Variants in SND1 observed in about 807,000 individuals in gnomAD.
The protein encoded by SND1 is staphylococcal nuclease domain-containing protein 1.
A neutral mutation model predicts 121.7 loss-of-function variants in SND1; 38 were observed. The ratio of observed to expected loss-of-function variants is 0.31; its 90% CI spans 0.24 to 0.41. The LOEUF (loss-of-function observed/expected upper bound fraction) is 0.41. SND1 is among the 10% of genes least tolerant of loss of function. The pLI, the probability that SND1 is intolerant of heterozygous loss-of-function variation, is 1.00. For missense variants in SND1, 868 were observed against 1,184.6 expected (o/e 0.73, Z 3.92); for synonymous variants, 401 against 447.4 (o/e 0.90, Z 1.31).
intron 15 of SND1, among the ~76,000 whole-genome samples, chr7:127,986,473 T>C (rs1802393052): frequency 6.6e-6 from 1 of 152,240 alleles, no homozygotes; most frequent in Non-Finnish European, 1.5e-5. Flanking sequence ...ATAAGTTTAA[T>C]ATTCTATCAG....
At chr7:127,671,108 G>A (rs745962054) in intron 1 of SND1, among the ~76,000 whole-genome samples, 17 of 152,150 alleles carry the variant, frequency 1.1e-4, no homozygotes, top group Non-Finnish European at 2.1e-4. Context: ...GGAGGACTGG[G>A]CTAGGGAGAG....
At chr7:127,867,262 T>C (rs1266665196) in intron 12 of SND1, among the ~76,000 whole-genome samples, 3 of 152,224 alleles carry the variant, frequency 2.0e-5, no homozygotes, top group African/African-American at 7.2e-5. Flanking sequence ...TTAATACTTA[T>C]CTTTTAAAAT....
intron 21 of SND1, among the ~76,000 whole-genome samples, chr7:128,088,972 G>T (rs532578600): frequency 6.6e-6 from 1 of 152,242 alleles, no homozygotes; most frequent in East Asian, 1.9e-4. Flanking sequence ...TCTGGCTGAG[G>T]GCAAGGAAAA....
rs1796094484 is a variant in SND1, at chr7:127,701,245, C to T, written c.511C>T (p.His171Tyr). The change falls in exon 5 of 24, where the codon CAT becomes TAT. Residue 171 changes from histidine (H) to tyrosine (Y), a missense_variant. His to Tyr is a moderately conservative substitution (Grantham distance 83). Around this residue, in one of 2 missense-constraint regions of SND1, gnomAD observed 743 missense variants for 1,071.3 expected, o/e 0.69. Coordinates refer to ENST00000354725, the MANE Select transcript of SND1 (RefSeq NM_014390.4). ...KGMWSEGNGS[H>Y]TIRDLKYTIE... ...GATGTGGAGTGAGGGGAACGGTTCA[C>T]ATACTATCCGGGATCTCAAGTATAC... 3.1e-6 allele frequency: 5 copies of T among 1,613,934 alleles called. No individual in the cohort carries two copies. The highest frequency in any genetic ancestry group is 1.3e-5 in the African/African-American group (1 of 74,894).
chr7:127,782,812 A>G (rs1230681698), intron 10 of SND1, among the ~76,000 whole-genome samples: 2 of 152,122 alleles, frequency 1.3e-5, no homozygotes, highest in Admixed American at 1.3e-4. Flanking sequence ...CTGCTTCACC[A>G]CTGACCTTTT....
At chr7:127,852,648 A>G (rs1298482125) in intron 12 of SND1, among the ~76,000 whole-genome samples, 1 of 151,990 alleles carries the variant, frequency 6.6e-6, no homozygotes, top group Non-Finnish European at 1.5e-5. Context: ...GATCTCTACT[A>G]AAAAATACAA....
intron 10 of SND1, among the ~76,000 whole-genome samples, chr7:127,750,287 G>A (rs1382106100): frequency 6.6e-6 from 1 of 152,190 alleles, no homozygotes; most frequent in Non-Finnish European, 1.5e-5. Flanking sequence ...TGGAGGATCT[G>A]TAGGTCTTCC....
intron 14 of SND1, among the ~76,000 whole-genome samples, chr7:127,918,796 C>T (rs918121236): frequency 2.0e-5 from 3 of 152,170 alleles, no homozygotes; most frequent in African/African-American, 7.2e-5. Context: ...ATTATTTTCT[C>T]AGAACATGTC....
At chr7:127,985,007 C>T (rs1802352695) in intron 15 of SND1, among the ~76,000 whole-genome samples, 1 of 152,240 alleles carries the variant, frequency 6.6e-6, no homozygotes, top group East Asian at 1.9e-4. Context: ...GTTCACCTGG[C>T]ATCTGCCATT....
At chr7:127,704,726 A>G in intron 7 of SND1, 113 bp from the exon 8 acceptor site, 1 of 883,858 alleles carries the variant, frequency 1.1e-6, no homozygotes, top group African/African-American at 1.7e-5. Flanking sequence ...AAACAAACAA[A>G]CAAACTGCAG....
chr7:128,050,590 T>C (rs1677515711), intron 16 of SND1, among the ~76,000 whole-genome samples: 1 of 152,156 alleles, frequency 6.6e-6, no homozygotes, highest in South Asian at 2.1e-4. Flanking sequence ...AATTTTGCCA[T>C]TGGAGCAATA....
At chr7:127,958,067 C>T (rs1217756680) in intron 15 of SND1, among the ~76,000 whole-genome samples, 1 of 152,114 alleles carries the variant, frequency 6.6e-6, no homozygotes, top group Non-Finnish European at 1.5e-5. Flanking sequence ...TGCAGGTGTC[C>T]GTGTTGAAGG....
At chr7:127,734,699 A>G (rs888267086) in intron 10 of SND1, among the ~76,000 whole-genome samples, 1 of 152,142 alleles carries the variant, frequency 6.6e-6, no homozygotes, top group African/African-American at 2.4e-5. Flanking sequence ...GTGCAGGTTT[A>G]GTGTTAGCGG....
chr7:128,011,367 G>A (rs1008116042), intron 16 of SND1, among the ~76,000 whole-genome samples: 1 of 152,222 alleles, frequency 6.6e-6, no homozygotes, highest in Admixed American at 6.5e-5. Context: ...AAGTGAGTGG[G>A]CCTCAACTCC....
chr7:127,928,285 G>A (rs761455684), intron 14 of SND1: 2 of 152,122 alleles, frequency 1.3e-5, no homozygotes, highest in African/African-American at 2.4e-5. Flanking sequence ...ACATCCTGCT[G>A]TTCTAGATTT....
intron 16 of SND1, among the ~76,000 whole-genome samples, chr7:128,041,201 G>A (rs564010240): frequency 3.3e-5 from 5 of 152,162 alleles, no homozygotes; most frequent in Admixed American, 1.3e-4. Context: ...ACAGGAGGTC[G>A]AGGATGCAGG....
At chr7:127,668,791 G>T (rs1795463651) in intron 1 of SND1, among the ~76,000 whole-genome samples, 1 of 152,148 alleles carries the variant, frequency 6.6e-6, no homozygotes, top group African/African-American at 2.4e-5. Flanking sequence ...CACTCCCTCG[G>T]CATGATCTCT....
chr7:127,971,217 C>G (rs1288012815), intron 15 of SND1, among the ~76,000 whole-genome samples: 1 of 152,062 alleles, frequency 6.6e-6, no homozygotes, highest in Non-Finnish European at 1.5e-5. Context: ...TGGTCACCAA[C>G]CATTTTACAA....
At chr7:127,709,437 C>G (rs944343071) in intron 9 of SND1, among the ~76,000 whole-genome samples, 4 of 152,132 alleles carry the variant, frequency 2.6e-5, no homozygotes, top group African/African-American at 9.7e-5. Context: ...AGCCTGTCCT[C>G]TATTAAAACT....
Sources: allele counts gnomAD v4.1 joint callset (sites outside exome capture counted in the v4.1 genomes callset), GRCh38; gene constraint gnomAD v4.1.1; regional missense constraint gnomAD v4.1.1; transcripts MANE v1.5; gene names NCBI Gene and HGNC (gene_info 2026-07-23, HGNC 2026-07-21).